Variants in ANAPC4 observed in about 807,000 individuals in gnomAD.
ANAPC4 encodes anaphase-promoting complex subunit 4.
A neutral mutation model predicts 119.8 loss-of-function variants in ANAPC4; 63 were observed. The ratio of observed to expected loss-of-function variants is 0.53; its 90% CI spans 0.43 to 0.65. The LOEUF (loss-of-function observed/expected upper bound fraction) is 0.65. Among genes scored for constraint, ANAPC4 ranks in the 30% least tolerant of loss-of-function variants. The pLI, the probability that ANAPC4 is intolerant of heterozygous loss-of-function variation, is 0.00. For missense variants in ANAPC4, 716 were observed against 945.1 expected (o/e 0.76, Z 3.18); for synonymous variants, 283 against 318.6 (o/e 0.89, Z 1.19).
intron 4 of ANAPC4, among the ~76,000 whole-genome samples, chr4:25,388,093 C>T (rs998277323): frequency 3.3e-5 from 5 of 152,302 alleles, no homozygotes; most frequent in Non-Finnish European, 7.3e-5. Flanking sequence ...CACACCACTG[C>T]ACTCCGGCCT....
intron 3 of ANAPC4, 184 bp downstream of exon 3, chr4:25,380,663 T>C: frequency 4.8e-6 from 2 of 419,854 alleles, no homozygotes; most frequent in Non-Finnish European, 8.3e-6. Context: ...TGCTATCTTG[T>C]TTCTTGGCAA....
Position 25,396,648 on chromosome 4 carries a change from T to C in ANAPC4, c.1062-16T>C. 6.4e-7 allele frequency: 1 copy of C among 1,556,260 alleles called. No individual in the cohort carries two copies. Among genetic ancestry groups the C allele is most frequent in the Non-Finnish European group, 8.7e-7 (1 of 1,148,518 alleles). ...GATCGTCATGATACTAATTTATTTC[T>C]GCTCTGTTTGGATAGTGGCTCGGAG... is the stretch of plus-strand genomic sequence containing the variant. On this transcript the variant is annotated splice_polypyrimidine_tract_variant and intron_variant, in intron 14 of 28. Coordinates refer to ENST00000315368, the MANE Select transcript of ANAPC4 (RefSeq NM_013367.3).
intron 3 of ANAPC4, chr4:25,380,752 T>G (rs777520736): frequency 1.0e-5 from 3 of 287,552 alleles, no homozygotes; most frequent in Non-Finnish European, 1.9e-5. Flanking sequence ...CAAAATGTTT[T>G]GGTTTTGTTC....
chr4:25,400,462 T>C (rs1348491542), intron 16 of ANAPC4, among the ~76,000 whole-genome samples: 1 of 152,116 alleles, frequency 6.6e-6, no homozygotes, highest in Non-Finnish European at 1.5e-5. Context: ...ACATCTGTCA[T>C]CAGCTGAGAG....
In ANAPC4 at chr4:25,388,588, G is replaced by A. The variant is rs2109116779; in HGVS notation, c.443+14G>A. 6.3e-7 allele frequency: 1 copy of A among 1,586,380 alleles called. No individual in the cohort carries two copies. ...ACTGCCAAAAAAGTATGTATCACTG[G>A]TTTCTTTGAAATTAATCTTGCAGAT... On this transcript the variant is annotated intron_variant, in intron 5 of 28. Coordinates refer to ENST00000315368, the MANE Select transcript of ANAPC4 (RefSeq NM_013367.3).
At position 25,379,287 on chromosome 4, in the gene ANAPC4, G is replaced by T. The variant is rs189304297; in HGVS notation, c.130-1087G>T. On this transcript the variant is annotated intron_variant, in intron 2 of 28. Coordinates refer to ENST00000315368, the MANE Select transcript of ANAPC4 (RefSeq NM_013367.3). The stretch of plus-strand genomic sequence containing the variant: ...AGCTCTTGAAATCACCAAAAATGAT[G>T]ATGAGTGTGTTGTTAGAAGGCATGA... Among the ~76,000 whole-genome samples the T allele has an allele frequency of 5.9e-5, 9 of 152,282 alleles. No homozygotes were observed. The East Asian group carries it at 1.7e-3, about 29-fold the overall frequency.
chr4:25,397,296 T>C (rs187704817), intron 16 of ANAPC4, among the ~76,000 whole-genome samples: 2 of 152,338 alleles, frequency 1.3e-5, no homozygotes, highest in Non-Finnish European at 2.9e-5. Context: ...TGTCTGTTTT[T>C]TCTGCATCCT....
At chr4:25,411,612 C>T (rs550049817) in intron 21 of ANAPC4, among the ~76,000 whole-genome samples, 10 of 152,280 alleles carry the variant, frequency 6.6e-5, no homozygotes, top group Non-Finnish European at 1.5e-4. Flanking sequence ...TCTACTACTT[C>T]GTAGTAACAC....
chr4:25,393,919 A>G (rs1722495618), intron 11 of ANAPC4, 28 bp downstream of exon 11: 1 of 1,552,326 alleles, frequency 6.4e-7, no homozygotes, highest in Non-Finnish European at 8.8e-7. Context: ...TCCCATGGAG[A>G]GAGTTAAAGA....
At chr4:25,396,218 G>A (rs1722641519) in intron 14 of ANAPC4, among the ~76,000 whole-genome samples, 1 of 152,050 alleles carries the variant, frequency 6.6e-6, no homozygotes, top group African/African-American at 2.4e-5. Context: ...ATGGTACACT[G>A]TATGACTATG....
chr4:25,415,722 G>A, intron 26 of ANAPC4, 182 bp downstream of exon 26: 1 of 547,642 alleles, frequency 1.8e-6, no homozygotes, highest in Non-Finnish European at 3.2e-6. Context: ...TGATTGAATA[G>A]AACCTTACTG....
chr4:25,415,400 C>A, intron 25 of ANAPC4, 66 bp from the exon 26 acceptor site: 1 of 1,234,372 alleles, frequency 8.1e-7, no homozygotes, highest in Non-Finnish European at 1.2e-6. Flanking sequence ...TTCTTTTAAG[C>A]CTTTAGATTA....
In ANAPC4 at chr4:25,397,644, T is replaced by C. The variant is rs563976286; in HGVS notation, c.1214+745T>C. Among the ~76,000 whole-genome samples, 25 of 152,338 alleles carry C rather than the reference T, an allele frequency of 1.6e-4. 1 individual carries two copies. Among genetic ancestry groups the C allele is most frequent in the Non-Finnish European group, 2.6e-4 (18 of 68,034 alleles). ...TGGCTTTAGGATTCCCTGAGGGTTA[T>C]TGGTTTTCACATAGAACTTCAAAAG... is the stretch of plus-strand genomic sequence containing the variant. On this transcript the variant is annotated intron_variant, in intron 16 of 28. Transcript: ENST00000315368.
intron 17 of ANAPC4, among the ~76,000 whole-genome samples, chr4:25,404,418 G>T (rs1723144896): frequency 6.6e-6 from 1 of 152,082 alleles, no homozygotes; most frequent in African/African-American, 2.4e-5. Flanking sequence ...ATTATTGGAG[G>T]TAATTTAGGC....
In ANAPC4 at chr4:25,409,712, AGAT is replaced by A. The variant is rs1560446116; in HGVS notation, c.1453_1455del (p.Asp485del). 6.2e-7 allele frequency: 1 copy of A among 1,610,670 alleles called. No individual in the cohort carries two copies. The highest frequency in any genetic ancestry group is 8.5e-7 in the Non-Finnish European group (1 of 1,177,354). On this transcript the variant is annotated inframe_deletion, in exon 21 of 29. Coordinates refer to ENST00000315368, the MANE Select transcript of ANAPC4 (RefSeq NM_013367.3). ...TGTATTTCTAGTACTTGAAAGATGA[AGAT>A]GATGATCTTGTGTCACCCCCTAACA... is the stretch of plus-strand genomic sequence containing the variant.
chr4:25,377,347 A>G lies in ANAPC4; in HGVS notation c.-11+3A>G. 1 of 1,571,208 alleles carries G rather than the reference A, an allele frequency of 6.4e-7. No individual in the cohort carries two copies. Among genetic ancestry groups the G allele is most frequent in the Non-Finnish European group, 8.6e-7 (1 of 1,158,296 alleles). On this transcript the variant is annotated splice_donor_region_variant and intron_variant, in intron 1 of 28. Coordinates refer to ENST00000315368, the MANE Select transcript of ANAPC4 (RefSeq NM_013367.3). The stretch of plus-strand genomic sequence containing the variant: ...TCTGCCGGTGGGGACTCTTGCAGGT[A>G]CAGGCGCGGTCGGGGCTCCTCGTGG...
intron 3 of ANAPC4, among the ~76,000 whole-genome samples, chr4:25,382,869 A>G (rs1484820166): frequency 1.3e-5 from 2 of 152,372 alleles, no homozygotes; most frequent in East Asian, 3.9e-4. Flanking sequence ...AATAAAAAGC[A>G]TTCCAAGAAC....
At chr4:25,394,479 A>G (rs1391704877) in intron 12 of ANAPC4, 105 bp downstream of exon 12, 10 of 1,105,888 alleles carry the variant, frequency 9.0e-6, no homozygotes, top group African/African-American at 3.2e-5. Flanking sequence ...TTTAATTGAT[A>G]CATAATATTT....
Position 25,406,845 on chromosome 4 carries a change from T to A in ANAPC4, c.1334T>A (p.Ile445Asn). The change falls in exon 19 of 29, where the codon ATC becomes AAC. Residue 445 changes from isoleucine to asparagine, a missense_variant. Transcript: ENST00000315368. Reference protein sequence around the residue: ...PELNKMTQKDITFVAEFLTEH... With the variant: ...PELNKMTQKDNTFVAEFLTEH... ...TGTTGATAGATGACTCAGAAAGATATCACATTTGTTGCTGAATTTCTTACT... is the reference window on the plus strand; with the variant it reads ...TGTTGATAGATGACTCAGAAAGATAACACATTTGTTGCTGAATTTCTTACT... 1 of 1,604,498 alleles carries A rather than the reference T, an allele frequency of 6.2e-7. No homozygotes were observed. The highest frequency in any genetic ancestry group is 1.1e-5 in the South Asian group (1 of 88,408).
Sources: allele counts gnomAD v4.1 joint callset (sites outside exome capture counted in the v4.1 genomes callset), GRCh38; gene constraint gnomAD v4.1.1; transcripts MANE v1.5; gene names NCBI Gene and HGNC (gene_info 2026-07-23, HGNC 2026-07-21).